CPA6: variants seen among roughly 807,000 people sequenced by gnomAD.
CPA6 encodes the protein carboxypeptidase A6.
In CPA6, 58 loss-of-function variants were observed where a neutral mutation model predicts 63.3. The ratio of observed to expected loss-of-function variants is 0.92; its 90% CI spans 0.74 to 1.14. The LOEUF (loss-of-function observed/expected upper bound fraction) is 1.14. Among genes scored for constraint, CPA6 ranks in the 50% most tolerant of loss-of-function variants. The pLI, the probability that CPA6 is intolerant of heterozygous loss-of-function variation, is 0.00. For missense variants in CPA6, 565 were observed against 526.6 expected (o/e 1.07, Z -0.71); for synonymous variants, 185 against 179.0 (o/e 1.03, Z -0.27).
intron 1 of CPA6, among the ~76,000 whole-genome samples, chr8:67,699,818 A>C (rs1329634862): frequency 6.6e-6 from 1 of 151,954 alleles, no homozygotes; most frequent in Non-Finnish European, 1.5e-5. Flanking sequence ...CAAACTCCTG[A>C]CCTCAGGTGA....
intron 8 of CPA6, among the ~76,000 whole-genome samples, chr8:67,477,975 C>T (rs188529348): frequency 6.6e-6 from 1 of 152,252 alleles, no homozygotes; most frequent in Admixed American, 6.5e-5. Context: ...TGATAAGTGT[C>T]TTTGTATGCT....
intron 2 of CPA6, among the ~76,000 whole-genome samples, chr8:67,618,476 A>G (rs1012858842): frequency 6.6e-6 from 1 of 152,216 alleles, no homozygotes; most frequent in Non-Finnish European, 1.5e-5. Flanking sequence ...CACCAGGGAC[A>G]GCAGCAGCAC....
At chr8:67,453,758 T>C (rs1372954697) in intron 8 of CPA6, among the ~76,000 whole-genome samples, 1 of 152,240 alleles carries the variant, frequency 6.6e-6, no homozygotes, top group Non-Finnish European at 1.5e-5. Context: ...TTTAACTGCA[T>C]TTGTCAAAAA....
intron 1 of CPA6, among the ~76,000 whole-genome samples, chr8:67,626,510 T>C (rs1446089818): frequency 1.3e-5 from 2 of 152,330 alleles, no homozygotes; most frequent in African/African-American, 2.4e-5. Context: ...TCAGTATCAA[T>C]GTCATGAAGT....
At chr8:67,643,789 A>G (rs560001206) in intron 1 of CPA6, among the ~76,000 whole-genome samples, 17 of 152,344 alleles carry the variant, frequency 1.1e-4, no homozygotes, top group African/African-American at 3.6e-4. Context: ...TCAAAGAGAA[A>G]GAATGACCTA....
intron 2 of CPA6, among the ~76,000 whole-genome samples, chr8:67,540,775 G>T (rs558726219): frequency 6.6e-6 from 1 of 152,198 alleles, no homozygotes; most frequent in Admixed American, 6.5e-5. Flanking sequence ...CACCCAGTTC[G>T]AACTTCCTGG....
Position 67,673,007 on chromosome 8 carries a change from T to C in CPA6, c.117-48756A>G, listed in dbSNP as rs1029476371. Reference sequence around the variant, plus strand: ...TAGCAAATTCTACTGTAAGAAACAATGCAACTACGTATGATTTGAAAGGAC... The same window carrying C: ...TAGCAAATTCTACTGTAAGAAACAACGCAACTACGTATGATTTGAAAGGAC... On this transcript the variant is annotated intron_variant, in intron 1 of 10. Transcript: ENST00000297770. 3.9e-5 allele frequency among the ~76,000 whole-genome samples: 6 copies of C among 152,204 alleles called. No individual in the cohort carries two copies. In the South Asian group the frequency reaches 6.2e-4, roughly 16 times the overall value.
At chr8:67,448,736 C>T (rs1460647023) in intron 8 of CPA6, among the ~76,000 whole-genome samples, 3 of 150,486 alleles carry the variant, frequency 2.0e-5, no homozygotes, top group Non-Finnish European at 4.4e-5. Context: ...TTTTCCCTAT[C>T]CTTAAAGATT....
chr8:67,621,560 G>A (rs980279460), intron 2 of CPA6, among the ~76,000 whole-genome samples: 2 of 152,152 alleles, frequency 1.3e-5, no homozygotes, highest in African/African-American at 4.8e-5. Context: ...TGTGGCTTGG[G>A]CAAGTTACTT....
At chr8:67,744,698 G>A (rs1244613798) in intron 1 of CPA6, among the ~76,000 whole-genome samples, 2 of 152,126 alleles carry the variant, frequency 1.3e-5, no homozygotes, top group Non-Finnish European at 2.9e-5. Context: ...CTTTAAACAT[G>A]AGCTTCTTTT....
chr8:67,560,447 G>A (rs1001489832), intron 2 of CPA6, among the ~76,000 whole-genome samples: 1 of 152,154 alleles, frequency 6.6e-6, no homozygotes, highest in Non-Finnish European at 1.5e-5. Flanking sequence ...ACAGTCTTCT[G>A]CAAGTCCTTT....
intron 8 of CPA6, among the ~76,000 whole-genome samples, 172 bp from the exon 9 acceptor site, chr8:67,434,412 T>C (rs1304643068): frequency 2.0e-5 from 3 of 152,196 alleles, no homozygotes; most frequent in East Asian, 1.9e-4. Flanking sequence ...TCTAAGGTGA[T>C]TGAAGTTCCC....
At chr8:67,521,245 C>T (rs1812251918) in intron 2 of CPA6, among the ~76,000 whole-genome samples, 2 of 152,224 alleles carry the variant, frequency 1.3e-5, no homozygotes, top group Admixed American at 1.3e-4. Flanking sequence ...GTGTTCTTTT[C>T]CTCACATGAT....
At chr8:67,645,488 G>T (rs1018999450) in intron 1 of CPA6, among the ~76,000 whole-genome samples, 21 of 152,256 alleles carry the variant, frequency 1.4e-4, no homozygotes, top group African/African-American at 5.1e-4. Flanking sequence ...AGAAGGAAAA[G>T]GGTTGTGAAG....
chr8:67,507,999 TTGTGTGTGTGTGTGTGTGTGTG>T (rs145996041), intron 5 of CPA6, among the ~76,000 whole-genome samples: 69 of 142,396 alleles, frequency 4.8e-4, no homozygotes, highest in South Asian at 1.2e-3. Context: ...ATGGGGTGCT[TTGTGTGTGTGTGTGTGTGTGTG>T]TGTGTGTGTG....
rs559002386 is a variant in CPA6, at chr8:67,554,212, C to T, written c.193-36165G>A. ...ATAAAGAAAAGAGATTTAATTGGCT[C>T]ACGATTCTGCAGGCTGTAACAGGAA... On this transcript the variant is annotated intron_variant, in intron 2 of 10. Coordinates refer to ENST00000297770, the MANE Select transcript of CPA6 (RefSeq NM_020361.5). 6.6e-5 allele frequency among the ~76,000 whole-genome samples: 10 copies of T among 152,200 alleles called. No homozygotes were observed. In the South Asian group the frequency reaches 1.2e-3, roughly 19 times the overall value.
At chr8:67,695,049 T>C (rs2128997840) in intron 1 of CPA6, among the ~76,000 whole-genome samples, 1 of 152,254 alleles carries the variant, frequency 6.6e-6, no homozygotes, top group Middle Eastern at 3.4e-3. Context: ...GATATTGGTA[T>C]CCCTTGTGAA....
At chr8:67,696,127 T>C (rs1816908363) in intron 1 of CPA6, among the ~76,000 whole-genome samples, 1 of 152,054 alleles carries the variant, frequency 6.6e-6, no homozygotes, top group African/African-American at 2.4e-5. Context: ...TGTTCCACAA[T>C]AGAGGCAAGA....
intron 2 of CPA6, among the ~76,000 whole-genome samples, chr8:67,597,419 C>G (rs1814373634): frequency 6.6e-6 from 1 of 152,178 alleles, no homozygotes; most frequent in Admixed American, 6.5e-5. Context: ...GAGTCTCGAT[C>G]TCTTGACCTC....
Sources: allele counts gnomAD v4.1 joint callset (sites outside exome capture counted in the v4.1 genomes callset), GRCh38; gene constraint gnomAD v4.1.1; transcripts MANE v1.5; gene names NCBI Gene and HGNC (gene_info 2026-07-23, HGNC 2026-07-21).